Variants in COL11A1 observed in about 807,000 individuals in gnomAD.
COL11A1 encodes the protein collagen alpha-1(XI) chain.
Under a neutral mutation model 265.2 loss-of-function variants are expected in COL11A1, and 74 were observed. That is an observed-to-expected ratio of 0.28 (90% CI 0.23 to 0.34). The LOEUF (loss-of-function observed/expected upper bound fraction) is 0.34. Ranked by LOEUF, COL11A1 falls within the 10% of genes least tolerant of loss-of-function variation. The pLI is 1.00. For synonymous variants in COL11A1, 816 were observed against 727.6 expected, an observed-to-expected ratio of 1.12 and a Z score of -1.96; for missense variants, 2,165 against 2,263.6, an observed-to-expected ratio of 0.96 and a Z score of 0.88.
At chr1:102,899,349 C>A (rs1001146552) in intron 54 of COL11A1, among the ~76,000 whole-genome samples, 3 of 152,006 alleles carry the variant, frequency 2.0e-5, no homozygotes, top group Non-Finnish European at 4.4e-5. Flanking sequence ...TTTAATATAT[C>A]TACTTGTATT....
At chr1:102,958,416 C>T (rs998243518) in intron 41 of COL11A1, among the ~76,000 whole-genome samples, 4 of 151,856 alleles carry the variant, frequency 2.6e-5, no homozygotes, top group Non-Finnish European at 4.4e-5. Context: ...ATAAATTATA[C>T]TTCACATCTA....
chr1:102,915,765 T>C, intron 49 of COL11A1, 81 bp from the exon 50 acceptor site: 1 of 1,109,194 alleles, frequency 9.0e-7, no homozygotes, highest in Non-Finnish European at 1.3e-6. Context: ...ATCATATCAT[T>C]TTAGATTAGC....
Position 102,962,838 on chromosome 1 carries a change from A to G in COL11A1, c.2917-78T>C, listed in dbSNP as rs542932613. On this transcript the variant is annotated intron_variant, in intron 38 of 66. Coordinates refer to ENST00000370096, the MANE Select transcript of COL11A1 (RefSeq NM_001854.4). ...ATAACACAAACTCAAAAACAGTATT[A>G]TTACATTTACAAAAGTTTATCATCC... 7.7e-5 allele frequency: 97 copies of G among 1,252,266 alleles called. 1 individual carries two copies. The Admixed American group carries it at 1.6e-3, about 21-fold the overall frequency. The allele number at this position is 1,252,266 out of a possible 1,614,324, so 77.6% of individuals were successfully genotyped here. A position where few individuals can be genotyped will look rare whatever the true frequency, so the allele number is the denominator to read the frequency against.
chr1:103,023,282 T>A (rs536019034), intron 7 of COL11A1, among the ~76,000 whole-genome samples: 1 of 152,326 alleles, frequency 6.6e-6, no homozygotes, highest in South Asian at 2.1e-4. Flanking sequence ...AAAAAACATG[T>A]TAGTCAATTT....
At chr1:102,916,988 A>G (rs957422261) in intron 49 of COL11A1, among the ~76,000 whole-genome samples, 4 of 151,938 alleles carry the variant, frequency 2.6e-5, no homozygotes, top group Admixed American at 1.3e-4. Context: ...TAAAATATTT[A>G]TTTAGAAATA....
At chr1:103,051,492 T>A (rs1479197970) in intron 4 of COL11A1, among the ~76,000 whole-genome samples, 1 of 152,200 alleles carries the variant, frequency 6.6e-6, no homozygotes, top group African/African-American at 2.4e-5. Flanking sequence ...ATTTTCCAGG[T>A]GCCATCTGTC....
intron 65 of COL11A1, among the ~76,000 whole-genome samples, chr1:102,880,993 G>A (rs1650169537): frequency 6.6e-6 from 1 of 151,842 alleles, no homozygotes; most frequent in Non-Finnish European, 1.5e-5. Context: ...CAATAAAAGT[G>A]GTTAATATGC....
intron 4 of COL11A1, among the ~76,000 whole-genome samples, chr1:103,033,176 T>C (rs1668114673): frequency 6.6e-6 from 1 of 152,116 alleles, no homozygotes; most frequent in Admixed American, 6.6e-5. Context: ...TAGTACTTCA[T>C]TCCTCTTTTC....
At chr1:103,106,115 G>C (rs1408486376) in intron 1 of COL11A1, among the ~76,000 whole-genome samples, 2 of 151,992 alleles carry the variant, frequency 1.3e-5, no homozygotes, top group African/African-American at 4.8e-5. Flanking sequence ...AAGTGTTTCA[G>C]GTATGTTGCT....
intron 4 of COL11A1, among the ~76,000 whole-genome samples, chr1:103,036,618 T>C (rs1668392743): frequency 6.6e-6 from 1 of 151,808 alleles, no homozygotes; most frequent in Non-Finnish European, 1.5e-5. Flanking sequence ...TCCTATTTTT[T>C]CCCAGAAGGC....
At chr1:102,901,983 AAAG>A (rs1372550388) in intron 54 of COL11A1, among the ~76,000 whole-genome samples, 1 of 152,196 alleles carries the variant, frequency 6.6e-6, no homozygotes, top group Non-Finnish European at 1.5e-5. Context: ...TAAAATAAAC[AAAG>A]ATGATATCAG....
chr1:102,981,322 A>G (rs1197168205), intron 31 of COL11A1, among the ~76,000 whole-genome samples: 1 of 152,112 alleles, frequency 6.6e-6, no homozygotes, highest in Non-Finnish European at 1.5e-5. Context: ...AGCTACGTCT[A>G]GCACAGTATT....
At position 103,022,852 on chromosome 1, in the gene COL11A1, C is replaced by T. The variant is rs938210307; in HGVS notation, c.1135G>A (p.Gly379Ser). The change falls in exon 8 of 67, where the codon GGC becomes AGC. Residue 379 changes from glycine to serine, a missense_variant. Transcript: ENST00000370096. ...TTATATTCATAAAAATCATATTCGCCTAAATCTCCATCTACCAGAAGATCA... is the reference window on the plus strand; with the variant it reads ...TTATATTCATAAAAATCATATTCGCTTAAATCTCCATCTACCAGAAGATCA... ...DSDLLVDGDL[G>S]EYDFYEYKEY... is the part of the protein sequence containing the mutation. 1.9e-6 allele frequency: 3 copies of T among 1,613,790 alleles called. No homozygotes were observed. The highest frequency in any genetic ancestry group is 2.7e-5 in the African/African-American group (2 of 74,898).
At chr1:102,920,493 G>C (rs913799607) in intron 48 of COL11A1, 129 bp from the exon 49 acceptor site, 1 of 761,970 alleles carries the variant, frequency 1.3e-6, no homozygotes, top group Non-Finnish European at 2.3e-6. Context: ...TAAAGAATGA[G>C]ACTAAATGAT....
intron 4 of COL11A1, among the ~76,000 whole-genome samples, chr1:103,062,273 T>C (rs905026247): frequency 1.3e-5 from 2 of 151,948 alleles, no homozygotes; most frequent in Admixed American, 6.5e-5. Context: ...ATATACCAAT[T>C]CTCTGCAACC....
In COL11A1 at chr1:102,877,786, T is replaced by A. The variant is rs925518284; in HGVS notation, c.*233A>T. 3 of 435,296 alleles carry A rather than the reference T, an allele frequency of 6.9e-6. No individual in the cohort carries two copies. The Admixed American group carries it at 1.2e-4, about 17-fold the overall frequency. The allele number at this position is 435,296 out of a possible 1,614,324, so 27.0% of individuals were successfully genotyped here. A position where few individuals can be genotyped will look rare whatever the true frequency, so the allele number is the denominator to read the frequency against. On this transcript the variant is annotated 3_prime_UTR_variant, in exon 67 of 67. Transcript: ENST00000370096. ...GAAAAGGAGAGTTGAGAATTGGGAA[T>A]CAAGAATCAGCCCTGTTTCCATCTT... is the stretch of plus-strand genomic sequence containing the variant.
At chr1:103,046,314 G>A (rs1235905175) in intron 4 of COL11A1, among the ~76,000 whole-genome samples, 1 of 118,334 alleles carries the variant, frequency 8.5e-6, no homozygotes, top group Non-Finnish European at 1.8e-5. Context: ...GTGTGAGATG[G>A]TATCTCATTG....
intron 5 of COL11A1, among the ~76,000 whole-genome samples, chr1:103,030,543 A>C (rs1398708348): frequency 6.7e-6 from 1 of 150,124 alleles, no homozygotes; most frequent in Non-Finnish European, 1.5e-5. Flanking sequence ...CTAAGTCTTA[A>C]AAATTCAAAA....
intron 1 of COL11A1, among the ~76,000 whole-genome samples, chr1:103,084,920 G>A (rs1672734435): frequency 6.6e-6 from 1 of 152,148 alleles, no homozygotes; most frequent in Non-Finnish European, 1.5e-5. Flanking sequence ...AATAAAGACT[G>A]AAAACACGTT....
Sources: allele counts gnomAD v4.1 joint callset (sites outside exome capture counted in the v4.1 genomes callset), GRCh38; gene constraint gnomAD v4.1.1; transcripts MANE v1.5; gene names NCBI Gene and HGNC (gene_info 2026-07-23, HGNC 2026-07-21).